The following ZHX3 variants were observed in gnomAD, a reference collection of about 807,000 sequenced individuals.
ZHX3 encodes zinc fingers and homeoboxes protein 3.
A neutral mutation model predicts 64.5 loss-of-function variants in ZHX3; 20 were observed. That is an observed-to-expected ratio of 0.31 (90% confidence interval 0.22 to 0.45). The LOEUF (loss-of-function observed/expected upper bound fraction) is 0.45. ZHX3 is among the 20% of genes least tolerant of loss of function. The pLI is 1.00. For synonymous variants in ZHX3, 423 were observed against 461.6 expected, an observed-to-expected ratio of 0.92 and a Z score of 1.07; for missense variants, 1,041 against 1,195.8, an observed-to-expected ratio of 0.87 and a Z score of 1.91.
At position 41,280,163 on chromosome 20, in the gene ZHX3, C is replaced by T. The variant is rs537734617; in HGVS notation, c.-244-11080G>A. Among the ~76,000 whole-genome samples, 49 of 152,300 alleles carry T rather than the reference C, an allele frequency of 3.2e-4. No individual in the cohort carries two copies. The South Asian group carries it at 1.0e-2, about 31-fold the overall frequency. ...TCCCTGGTACTTAGCAGGACCAGCA[C>T]TCCTGTACTCTGAATTTACTTCTGG... is the stretch of plus-strand genomic sequence containing the variant. On this transcript the variant is annotated intron_variant, in intron 1 of 3. Transcript: ENST00000683867.
At position 41,232,200 on chromosome 20, in the gene ZHX3, T is replaced by C. The variant is rs1432172839; in HGVS notation, c.-150-27134A>G. On this transcript the variant is annotated intron_variant, in intron 2 of 3. Transcript: ENST00000683867. This position sits in a 1 kb window ranked among gnomAD's most constrained non-coding sequence, Gnocchi z 5.0. Reference sequence around the variant, plus strand: ...CCGAAGGGTGACTTAATAACCATCTTCAATCATTGTTATTACACAGAGAAT... The same window carrying C: ...CCGAAGGGTGACTTAATAACCATCTCCAATCATTGTTATTACACAGAGAAT... 6.6e-6 allele frequency among the ~76,000 whole-genome samples: 1 copy of C among 152,122 alleles called. No individual in the cohort carries two copies. Among genetic ancestry groups the C allele is most frequent in the Non-Finnish European group, 1.5e-5 (1 of 68,034 alleles).
chr20:41,237,342 A>T (rs1473126966), intron 2 of ZHX3, among the ~76,000 whole-genome samples: 1 of 152,240 alleles, frequency 6.6e-6, no homozygotes, highest in Non-Finnish European at 1.5e-5. Context: ...TATTCACAAT[A>T]ACAAAGACTT....
chr20:41,263,989 A>C (rs1568916559), intron 2 of ZHX3, among the ~76,000 whole-genome samples: 1 of 152,232 alleles, frequency 6.6e-6, no homozygotes. Flanking sequence ...AGAAGCAATA[A>C]AATTGTAAGA....
intron 1 of ZHX3, among the ~76,000 whole-genome samples, chr20:41,276,526 G>C (rs898504425): frequency 3.3e-5 from 5 of 152,162 alleles, no homozygotes; most frequent in Non-Finnish European, 7.4e-5. Context: ...TCTCTAATTG[G>C]GTTCCCCGAG....
chr20:41,226,482 A>C lies in ZHX3; in HGVS notation c.-150-21416T>G, dbSNP rs767726542. ...TTGCTTCCCCCTCTTGGTTATTGTGAATAATGCTGCAGTGAATATGGGTGT... is the reference window on the plus strand; with the variant it reads ...TTGCTTCCCCCTCTTGGTTATTGTGCATAATGCTGCAGTGAATATGGGTGT... On this transcript the variant is annotated intron_variant, in intron 2 of 3. Transcript: ENST00000683867. The surrounding 1 kb of genome is among the most constrained non-coding windows in gnomAD (Gnocchi z 4.4). Among the ~76,000 whole-genome samples, 1 of 152,190 alleles carries C rather than the reference A, an allele frequency of 6.6e-6. No homozygotes were observed. Among genetic ancestry groups the C allele is most frequent in the South Asian group, 2.1e-4 (1 of 4,828 alleles).
chr20:41,262,320 C>T (rs550122996), intron 2 of ZHX3, among the ~76,000 whole-genome samples: 11 of 152,330 alleles, frequency 7.2e-5, no homozygotes, highest in African/African-American at 2.4e-4. Context: ...CAAACTGAAA[C>T]TTGTCGCCCA....
chr20:41,218,274 T>C (rs1324462957), intron 2 of ZHX3, among the ~76,000 whole-genome samples: 1 of 152,090 alleles, frequency 6.6e-6, no homozygotes, highest in Non-Finnish European at 1.5e-5. Flanking sequence ...GGAGACTCCG[T>C]CTCTACAAAA....
In ZHX3 at chr20:41,204,146, C is replaced by T. The variant is rs1324208420; in HGVS notation, c.771G>A (p.Leu257=). Reference sequence around the variant, plus strand: ...CTGGCAAAACTGGCACTGTTCCTATCAGGGGCCCGTTGGCGGCATGGGGGT... The same window carrying T: ...CTGGCAAAACTGGCACTGTTCCTATTAGGGGCCCGTTGGCGGCATGGGGGT... ...AKNPHAANGP[L]IGTVPVLPAG... Residue 257 remains leucine (L), a synonymous_variant, in exon 3 of 4, where the codon CTG becomes CTA. Transcript: ENST00000683867. The surrounding 1 kb of genome is among the most constrained non-coding windows in gnomAD (Gnocchi z 6.6). 15 of 1,607,088 alleles carry T rather than the reference C, an allele frequency of 9.3e-6. No homozygotes were observed. The highest frequency in any genetic ancestry group is 1.3e-5 in the Non-Finnish European group (15 of 1,176,628).
chr20:41,280,534 T>C (rs1342690911), intron 1 of ZHX3, among the ~76,000 whole-genome samples: 3 of 152,030 alleles, frequency 2.0e-5, no homozygotes, highest in Admixed American at 2.0e-4. Context: ...TACTAAAAAG[T>C]TATTAGTGGG....
chr20:41,207,944 G>A (rs1308082934), intron 2 of ZHX3, among the ~76,000 whole-genome samples: 2 of 152,036 alleles, frequency 1.3e-5, no homozygotes, highest in Admixed American at 1.3e-4. Context: ...TAGACAGCTA[G>A]CAAGACTAAT....
intron 1 of ZHX3, among the ~76,000 whole-genome samples, chr20:41,282,920 T>G (rs917894127): frequency 6.6e-6 from 1 of 152,130 alleles, no homozygotes; most frequent in East Asian, 1.9e-4. Flanking sequence ...TATTTATTCA[T>G]TTTTTGGAGA....
intron 2 of ZHX3, among the ~76,000 whole-genome samples, chr20:41,264,385 C>CAAAAAAAA (rs1165922837): frequency 3.9e-3 from 290 of 73,662 alleles, no homozygotes; most frequent in Non-Finnish European, 5.0e-3. Flanking sequence ...ACCAAAAATA[C>CAAAAAAAA]AAAAAAAAAA....
At chr20:41,222,675 A>G (rs1341581031) in intron 2 of ZHX3, among the ~76,000 whole-genome samples, 1 of 152,176 alleles carries the variant, frequency 6.6e-6, no homozygotes, top group Non-Finnish European at 1.5e-5. Flanking sequence ...TCAAAGTTAA[A>G]CATGTTACTT....
chr20:41,216,086 T>C (rs924328331), intron 2 of ZHX3, among the ~76,000 whole-genome samples: 2 of 152,166 alleles, frequency 1.3e-5, no homozygotes, highest in African/African-American at 4.8e-5. Context: ...TACTATGAGG[T>C]TGATCTGACA....
At chr20:41,303,814 C>T (rs995906678) in intron 1 of ZHX3, among the ~76,000 whole-genome samples, 1 of 152,174 alleles carries the variant, frequency 6.6e-6, no homozygotes, top group African/African-American at 2.4e-5. Flanking sequence ...CTAAAATCAC[C>T]CCTTCCTTGG....
chr20:41,211,257 AAAAC>A (rs1253181197), intron 2 of ZHX3, among the ~76,000 whole-genome samples: 1 of 152,198 alleles, frequency 6.6e-6, no homozygotes, highest in Admixed American at 6.5e-5. Context: ...TCTAATGACT[AAAAC>A]AATAGTAATT....
chr20:41,210,391 T>TG (rs2039066499), intron 2 of ZHX3, among the ~76,000 whole-genome samples: 1 of 152,198 alleles, frequency 6.6e-6, no homozygotes, highest in Non-Finnish European at 1.5e-5. Flanking sequence ...TAAAGACACA[T>TG]GCACACGTAT....
intron 2 of ZHX3, among the ~76,000 whole-genome samples, chr20:41,266,938 G>A (rs1055683152): frequency 1.7e-4 from 24 of 141,762 alleles, no homozygotes; most frequent in Middle Eastern, 4.0e-3. Flanking sequence ...TCCGCCTCCC[G>A]GGTTCAAGTA....
chr20:41,249,143 C>T (rs1171525764), intron 2 of ZHX3, among the ~76,000 whole-genome samples: 2 of 151,938 alleles, frequency 1.3e-5, no homozygotes, highest in Non-Finnish European at 2.9e-5. Context: ...CCTCAAATTC[C>T]TCATTCACAA....
Sources: gnomAD v4.1 joint callset for allele counts (sites outside exome capture counted in the v4.1 genomes callset) on GRCh38, gnomAD v4.1.1 for gene constraint, Gnocchi (gnomAD v3.1) non-coding constraint, MANE v1.5 for transcripts, NCBI Gene and HGNC (gene_info 2026-07-23, HGNC 2026-07-21) for gene names.